Variants in SPIRE2 observed in about 807,000 individuals in gnomAD.
The protein encoded by SPIRE2 is spire type actin nucleation factor 2, also known as protein spire homolog 2.
A neutral mutation model predicts 80.7 loss-of-function variants in SPIRE2; 76 were observed. The observed-to-expected ratio is 0.94, with a 90% CI of 0.78 to 1.14. SPIRE2 has a LOEUF of 1.14. Among genes scored for constraint, SPIRE2 ranks in the 50% most tolerant of loss-of-function variants. The pLI is 0.00. For synonymous variants in SPIRE2, 535 were observed against 432.6 expected (o/e 1.24, Z -2.94); for missense variants, 1,196 against 1,015.3 (o/e 1.18, Z -2.42).
intron 1 of SPIRE2, among the ~76,000 whole-genome samples, chr16:89,829,008 C>T (rs1261951671): frequency 6.6e-6 from 1 of 152,208 alleles, no homozygotes; most frequent in Non-Finnish European, 1.5e-5. Flanking sequence ...TCTCCCTCCC[C>T]GGCCCTGGAC....
In SPIRE2 at chr16:89,828,908, C is replaced by G. The variant is rs1019589448; in HGVS notation, c.244+114C>G. 3.7e-5 allele frequency: 32 copies of G among 866,290 alleles called. No individual in the cohort carries two copies. The highest frequency in any genetic ancestry group is 4.4e-5 in the Non-Finnish European group (30 of 679,558). 53.7% of individuals were successfully genotyped at this position (866,290 alleles called of 1,614,324 possible). ...TGCGACCGGTTCTGGAGCGGGAGAT[C>G]CCCTTCTCTGCGGGACCCGGAGCTC... On this transcript the variant is annotated intron_variant, in intron 1 of 14. Coordinates refer to ENST00000378247, the MANE Select transcript of SPIRE2 (RefSeq NM_032451.2). This position sits in a 1 kb window ranked among gnomAD's most constrained non-coding sequence, Gnocchi z 5.9.
At chr16:89,831,429 G>A (rs1358142748) in intron 1 of SPIRE2, among the ~76,000 whole-genome samples, 2 of 138,036 alleles carry the variant, frequency 1.4e-5, no homozygotes, top group East Asian at 2.1e-4. Context: ...AGACAGTCTC[G>A]CTCTGTCGCC....
chr16:89,840,516 T>TG lies in SPIRE2; in HGVS notation c.245-4804dup, dbSNP rs1220744775. ...CGCCCGCCTCGGCCTCCCAAAGTGC[T>TG]GGATTACAGGCATGAGCCACCATGT... On this transcript the variant is annotated intron_variant, in intron 1 of 14. Transcript: ENST00000378247. Among the ~76,000 whole-genome samples the TG allele has an allele frequency of 3.4e-3, 509 of 150,362 alleles. 3 individuals carry two copies. Among genetic ancestry groups the TG allele is most frequent in the African/African-American group, 0.01 (409 of 40,702 alleles).
intron 3 of SPIRE2, 34 bp from the exon 4 acceptor site, chr16:89,854,252 C>A: frequency 6.2e-7 from 1 of 1,600,618 alleles, no homozygotes; most frequent in Admixed American, 1.7e-5. Context: ...CATTCTCGTA[C>A]CTCCCCTGGA....
At position 89,869,072 on chromosome 16, in the gene SPIRE2, A is replaced by ATATGTATG. The variant is rs367575176; in HGVS notation, c.1807-490_1807-489insATGTATGT. Reference sequence around the variant, plus strand: ...AAAAAAAATATATATATATATATATATATGTTACCCCTCAGGCCTCAGTTC... The same window carrying ATATGTATG: ...AAAAAAAATATATATATATATATATATATGTATGTATGTTACCCCTCAGGCCTCAGTTC... On this transcript the variant is annotated intron_variant, in intron 13 of 14. Coordinates refer to ENST00000378247, the MANE Select transcript of SPIRE2 (RefSeq NM_032451.2). Among the ~76,000 whole-genome samples, 20 of 65,950 alleles carry ATATGTATG rather than the reference A, an allele frequency of 3.0e-4. 1 individual carries two copies. The highest frequency in any genetic ancestry group is 1.9e-3 in the South Asian group (3 of 1,574). 43.3% of individuals were successfully genotyped at this position (65,950 alleles called of 152,430 possible).
chr16:89,870,129 G>A lies in SPIRE2; in HGVS notation c.2002G>A (p.Val668Ile). The A allele has an allele frequency of 6.2e-7, 1 of 1,613,306 alleles. No homozygotes were observed. The highest frequency in any genetic ancestry group is 8.5e-7 in the Non-Finnish European group (1 of 1,179,744). Residue 668 changes from valine to isoleucine, a missense_variant, in exon 15 of 15, where the codon GTC (valine) becomes ATC (isoleucine). Coordinates refer to ENST00000378247, the MANE Select transcript of SPIRE2 (RefSeq NM_032451.2). The part of the protein sequence containing the change: ...IYSHGCVLKD[V>I]CSECTSFVAD... ...CTCCCACGGCTGTGTCCTGAAGGAT[G>A]TCTGCAGTGAGTGCACCAGCTTTGT...
chr16:89,858,359 T>C lies in SPIRE2; in HGVS notation c.1124T>C (p.Ile375Thr). The C allele has an allele frequency of 7.5e-6, 12 of 1,608,216 alleles. No homozygotes were observed. The highest frequency in any genetic ancestry group is 1.0e-5 in the Non-Finnish European group (12 of 1,177,778). Reference sequence around the variant, plus strand: ...CCAGGGTTTGGCTCTCTGCCCTGCATCCTCAACGCCTGCTCCGGAGATGCC... The same window carrying C: ...CCAGGGTTTGGCTCTCTGCCCTGCACCCTCAACGCCTGCTCCGGAGATGCC... ...AARGFGSLPC[I>T]LNACSGDAKS... is the part of the protein sequence containing the mutation. The change falls in exon 8 of 15, where the codon ATC becomes ACC. Residue 375 changes from isoleucine (I) to threonine (T), a missense_variant. Ile to Thr is a moderately conservative substitution (Grantham distance 89). Coordinates refer to ENST00000378247, the MANE Select transcript of SPIRE2 (RefSeq NM_032451.2).
In SPIRE2 at chr16:89,869,617, C is replaced by G. The variant is rs757596632; in HGVS notation, c.1857C>G (p.Gly619=). The G allele has an allele frequency of 4.3e-6, 7 of 1,614,078 alleles. No individual in the cohort carries two copies. In the East Asian group the frequency reaches 1.3e-4, roughly 31 times the overall value. ...KFGHIPVYTL[G]FESPQRVSAA... is the part of the protein sequence containing the mutation. ...GACACATCCCTGTCTACACACTGGGCTTTGAGAGTCCTCAGAGGGTATCAG... is the reference window on the plus strand; with the variant it reads ...GACACATCCCTGTCTACACACTGGGGTTTGAGAGTCCTCAGAGGGTATCAG... Residue 619 remains glycine, a synonymous_variant, in exon 14 of 15, where the codon GGC becomes GGG. Transcript: ENST00000378247.
intron 9 of SPIRE2, among the ~76,000 whole-genome samples, chr16:89,860,361 C>G (rs1255220679): frequency 1.3e-5 from 2 of 152,164 alleles, no homozygotes; most frequent in African/African-American, 4.8e-5. Flanking sequence ...TGGGCTCAAG[C>G]AATCCTCCCG....
At chr16:89,855,148 C>T (rs755296868) in intron 5 of SPIRE2, among the ~76,000 whole-genome samples, 28 of 152,262 alleles carry the variant, frequency 1.8e-4, no homozygotes, top group Admixed American at 3.3e-4. Flanking sequence ...CTGTGTTAGC[C>T]ACGATGGTCT....
At chr16:89,865,051 G>A (rs1241268103) in intron 12 of SPIRE2, among the ~76,000 whole-genome samples, 2 of 144,414 alleles carry the variant, frequency 1.4e-5, no homozygotes, top group African/African-American at 5.1e-5. Context: ...CTGGCGCCCA[G>A]GCTGGAGTGC....
chr16:89,869,822 G>A (rs961642041), intron 14 of SPIRE2, 140 bp downstream of exon 14: 15 of 743,838 alleles, frequency 2.0e-5, no homozygotes, highest in Middle Eastern at 3.5e-4. Flanking sequence ...GAGACGGATC[G>A]TTGTGTAGGG....
intron 13 of SPIRE2, among the ~76,000 whole-genome samples, chr16:89,868,422 C>A (rs1187265310): frequency 2.6e-5 from 4 of 152,140 alleles, no homozygotes; most frequent in Non-Finnish European, 5.9e-5. Context: ...ACGTTAGTAG[C>A]CTCGTGCCAA....
At chr16:89,868,081 G>T (rs942023644) in intron 12 of SPIRE2, 108 bp from the exon 13 acceptor site, 1 of 1,216,256 alleles carries the variant, frequency 8.2e-7, no homozygotes, top group African/African-American at 1.5e-5. Context: ...TCAGGCAGAA[G>T]GCAAGGATGG....
At chr16:89,855,497 G>C in intron 5 of SPIRE2, 103 bp from the exon 6 acceptor site, 1 of 949,812 alleles carries the variant, frequency 1.1e-6, no homozygotes, top group Non-Finnish European at 1.6e-6. Flanking sequence ...AGGGCGGGTA[G>C]GTGCGAAGAC....
Position 89,870,363 on chromosome 16 carries a change from T to C in SPIRE2, c.*91T>C, listed in dbSNP as rs1157278748. 5 of 685,538 alleles carry C rather than the reference T, an allele frequency of 7.3e-6. No individual in the cohort carries two copies. Among genetic ancestry groups the C allele is most frequent in the Non-Finnish European group, 1.3e-5 (5 of 399,528 alleles). The allele number at this position is 685,538 out of a possible 1,614,324, so 42.5% of individuals were successfully genotyped here. A position where few individuals can be genotyped will look rare whatever the true frequency, so the allele number is the denominator to read the frequency against. On this transcript the variant is annotated 3_prime_UTR_variant, in exon 15 of 15. Coordinates refer to ENST00000378247, the MANE Select transcript of SPIRE2 (RefSeq NM_032451.2). ...AGCTGTGCATGTACATATATACATATATAGATACATTTATAATATATACAC... is the reference window on the plus strand; with the variant it reads ...AGCTGTGCATGTACATATATACATACATAGATACATTTATAATATATACAC...
chr16:89,847,667 C>T (rs2041575888), intron 2 of SPIRE2, among the ~76,000 whole-genome samples: 1 of 152,214 alleles, frequency 6.6e-6, no homozygotes, highest in African/African-American at 2.4e-5. Context: ...AGTTACTGGG[C>T]AGGTGTCCTG....
At chr16:89,860,299 C>T (rs2041731175) in intron 9 of SPIRE2, among the ~76,000 whole-genome samples, 1 of 152,156 alleles carries the variant, frequency 6.6e-6, no homozygotes, top group African/African-American at 2.4e-5. Context: ...TGCTCTGCTG[C>T]CCAGGCTGGA....
At chr16:89,847,181 G>A (rs1403369224) in intron 2 of SPIRE2, 2 of 152,202 alleles carry the variant, frequency 1.3e-5, no homozygotes, top group Non-Finnish European at 2.9e-5. Context: ...TCAGTGATAA[G>A]GCACCTGCCA....
Sources: allele counts gnomAD v4.1 joint callset (sites outside exome capture counted in the v4.1 genomes callset), GRCh38; gene constraint gnomAD v4.1.1; non-coding constraint Gnocchi (gnomAD v3.1); transcripts MANE v1.5; gene names NCBI Gene and HGNC (gene_info 2026-07-23, HGNC 2026-07-21).